DIP2C: variants seen among roughly 807,000 people sequenced by gnomAD.
The protein encoded by DIP2C is DIP2 acetate--CoA ligase C (putative).
DIP2C carries 33 observed loss-of-function variants against 192.4 expected under a neutral mutation model. The observed-to-expected ratio is 0.17, with a 90% confidence interval of 0.13 to 0.23. The LOEUF (loss-of-function observed/expected upper bound fraction) is 0.23, where lower values mean the gene tolerates loss of function less well. DIP2C is among the 10% of genes least tolerant of loss of function. The probability of loss-of-function intolerance (pLI) is 1.00; values close to 1 mark genes in which losing one functional copy is unlikely to be tolerated. For synonymous variants in DIP2C, 979 were observed against 864.1 expected, an observed-to-expected ratio of 1.13 and a Z score of -2.33; for missense variants, 1,537 against 2,110.1, an observed-to-expected ratio of 0.73 and a Z score of 5.32.
At chr10:414,900 ATATATAT>A (rs1965519576) in intron 7 of DIP2C, among the ~76,000 whole-genome samples, 3 of 104,034 alleles carry the variant, frequency 2.9e-5, no homozygotes, top group Non-Finnish European at 6.3e-5. Context: ...GTATATATAT[ATATATAT>A]TTTTTTTTTT....
At chr10:419,908 C>G (rs118012663) in intron 5 of DIP2C, among the ~76,000 whole-genome samples, 1 of 152,182 alleles carries the variant, frequency 6.6e-6, no homozygotes, top group Non-Finnish European at 1.5e-5. Context: ...TTAAGCCGTA[C>G]GTGGCTGAAT....
chr10:503,160 A>C (rs1269206407), intron 1 of DIP2C, among the ~76,000 whole-genome samples: 2 of 150,596 alleles, frequency 1.3e-5, no homozygotes, highest in Admixed American at 6.6e-5. Context: ...TTCCAACATA[A>C]ATTCCGCCAG....
At position 350,889 on chromosome 10, in the gene DIP2C, G is replaced by A. The variant is rs193203221; in HGVS notation, c.2986-1435C>T. On this transcript the variant is annotated intron_variant, in intron 24 of 36. Transcript: ENST00000280886. ...TCTTGAACTCCTGACCTCATGATCCGCCCGCCTTGGCCTCCCAGAGTGCTG... is the reference window on the plus strand; with the variant it reads ...TCTTGAACTCCTGACCTCATGATCCACCCGCCTTGGCCTCCCAGAGTGCTG... Among the ~76,000 whole-genome samples the A allele has an allele frequency of 2.9e-3, 448 of 152,158 alleles. 4 individuals are homozygous for A. Among genetic ancestry groups the A allele is most frequent in the South Asian group, 9.3e-3 (45 of 4,814 alleles).
At chr10:555,233 G>GC (rs990047216) in intron 1 of DIP2C, among the ~76,000 whole-genome samples, 1 of 149,978 alleles carries the variant, frequency 6.7e-6, no homozygotes, top group Non-Finnish European at 1.5e-5. Context: ...TCTCCTCACT[G>GC]CCCCATGAGG....
At chr10:537,186 G>A (rs989360734) in intron 1 of DIP2C, among the ~76,000 whole-genome samples, 2 of 152,044 alleles carry the variant, frequency 1.3e-5, no homozygotes, top group Non-Finnish European at 2.9e-5. Context: ...AGGAGGGCGT[G>A]GGATCTTGGC....
At chr10:342,440 G>A (rs902258747) in intron 28 of DIP2C, among the ~76,000 whole-genome samples, 2 of 152,192 alleles carry the variant, frequency 1.3e-5, no homozygotes, top group African/African-American at 2.4e-5. Flanking sequence ...TTACAGGCAC[G>A]AGACACCGCG....
At chr10:349,524 C>T (rs951446137) in intron 24 of DIP2C, 70 bp from the exon 25 acceptor site, 8 of 1,533,248 alleles carry the variant, frequency 5.2e-6, no homozygotes, top group African/African-American at 4.1e-5. Context: ...AGCGCGCACG[C>T]GTCATACAAC....
intron 3 of DIP2C, among the ~76,000 whole-genome samples, chr10:442,634 T>TA (rs1967841528): frequency 1.3e-5 from 2 of 152,232 alleles, no homozygotes; most frequent in Non-Finnish European, 2.9e-5. Flanking sequence ...GCTCCTATCT[T>TA]ACACCACTGC....
At chr10:621,455 C>T (rs1175281385) in intron 1 of DIP2C, among the ~76,000 whole-genome samples, 6 of 151,262 alleles carry the variant, frequency 4.0e-5, no homozygotes, top group Admixed American at 1.3e-4. Flanking sequence ...TGTGCACACA[C>T]GCTCTGTATG....
At chr10:520,527 G>A (rs191637808) in intron 1 of DIP2C, among the ~76,000 whole-genome samples, 89 of 152,270 alleles carry the variant, frequency 5.8e-4, no homozygotes, top group African/African-American at 2.1e-3. Context: ...TGGGTTTTCC[G>A]TGGGCAGAGA....
At chr10:612,666 C>T (rs1295725139) in intron 1 of DIP2C, among the ~76,000 whole-genome samples, 1 of 152,176 alleles carries the variant, frequency 6.6e-6, no homozygotes, top group East Asian at 1.9e-4. Context: ...CCACAGCTCA[C>T]ATCAGGTGGC....
chr10:566,872 C>A (rs929179483), intron 1 of DIP2C, among the ~76,000 whole-genome samples: 13 of 152,340 alleles, frequency 8.5e-5, no homozygotes, highest in Middle Eastern at 3.4e-3. Flanking sequence ...ATCCACAGCA[C>A]GTACTGCCTC....
intron 1 of DIP2C, among the ~76,000 whole-genome samples, chr10:501,235 A>G (rs1230537576): frequency 3.3e-5 from 5 of 152,226 alleles, no homozygotes; most frequent in African/African-American, 1.2e-4. Flanking sequence ...TATTTAAATA[A>G]TAATGTTGAT....
At chr10:347,821 C>T (rs1294472829) in intron 26 of DIP2C, among the ~76,000 whole-genome samples, 8 of 147,634 alleles carry the variant, frequency 5.4e-5, no homozygotes, top group African/African-American at 9.9e-5. Flanking sequence ...AGACACATCG[C>T]GCATAGCTCT....
At chr10:524,781 C>T (rs1004603702) in intron 1 of DIP2C, among the ~76,000 whole-genome samples, 64 of 152,160 alleles carry the variant, frequency 4.2e-4, no homozygotes, top group African/African-American at 1.4e-3. Context: ...TTAGTTTAAG[C>T]ATTAGGGAGT....
At chr10:433,961 T>C (rs1232380269) in intron 4 of DIP2C, among the ~76,000 whole-genome samples, 3 of 152,174 alleles carry the variant, frequency 2.0e-5, no homozygotes, top group Non-Finnish European at 4.4e-5. Context: ...TTTCTTATCA[T>C]ATCAGTTACT....
chr10:547,594 A>G (rs749885933), intron 1 of DIP2C, among the ~76,000 whole-genome samples: 8 of 152,252 alleles, frequency 5.3e-5, no homozygotes, highest in Non-Finnish European at 7.4e-5. Flanking sequence ...AGTCTCTGTC[A>G]TGAGCTTTAG....
intron 1 of DIP2C, among the ~76,000 whole-genome samples, chr10:637,248 A>G (rs1230455732): frequency 6.9e-6 from 1 of 144,770 alleles, no homozygotes; most frequent in East Asian, 2.0e-4. Context: ...AGCAACAGAA[A>G]ATTCACAACC....
At chr10:542,058 A>AC (rs575660479) in intron 1 of DIP2C, among the ~76,000 whole-genome samples, 2 of 151,608 alleles carry the variant, frequency 1.3e-5, no homozygotes, top group Non-Finnish European at 2.9e-5. Flanking sequence ...GCCGGCACCC[A>AC]CCCCTACAAC....
Sources: gnomAD v4.1 joint callset for allele counts (sites outside exome capture counted in the v4.1 genomes callset) on GRCh38, gnomAD v4.1.1 for gene constraint, MANE v1.5 for transcripts, NCBI Gene and HGNC (gene_info 2026-07-23, HGNC 2026-07-21) for gene names.